The following GRAMD2B variants were observed in gnomAD, a reference collection of about 807,000 sequenced individuals.
The protein encoded by GRAMD2B is GRAM domain containing 2B.
A neutral mutation model predicts 59.2 loss-of-function variants in GRAMD2B; 41 were observed. That is an observed-to-expected ratio of 0.69 (90% CI 0.54 to 0.90). The LOEUF is 0.90. Among genes scored for constraint, GRAMD2B ranks in the 40% least tolerant of loss-of-function variants. The pLI is 0.00. For synonymous variants in GRAMD2B, 161 were observed against 182.7 expected, an observed-to-expected ratio of 0.88 and a Z score of 0.96; for missense variants, 424 against 500.5, an observed-to-expected ratio of 0.85 and a Z score of 1.46.
Position 126,424,446 on chromosome 5 carries a change from G to A in GRAMD2B, c.83+757G>A, listed in dbSNP as rs187476142. On this transcript the variant is annotated intron_variant, in intron 1 of 13. Transcript: ENST00000285689. ...TGGTATCAGGATATGAGTAATTTAGGAAGGAGGGATATGTATTATCATAAG... is the reference window on the plus strand; with the variant it reads ...TGGTATCAGGATATGAGTAATTTAGAAAGGAGGGATATGTATTATCATAAG... Among the ~76,000 whole-genome samples the A allele has an allele frequency of 5.1e-4, 78 of 152,270 alleles. 1 individual carries two copies. The highest frequency in any genetic ancestry group is 6.8e-3 in the Middle Eastern group (2 of 294).
At chr5:126,394,466 T>A (rs896640722) in intron 1 of GRAMD2B, among the ~76,000 whole-genome samples, 1 of 152,244 alleles carries the variant, frequency 6.6e-6, no homozygotes, top group South Asian at 2.1e-4. Context: ...GTCCAATCAT[T>A]GTAAAAAAGA....
At chr5:126,370,058 G>A (rs747652033), upstream of GRAMD2B, among the ~76,000 whole-genome samples, 1 of 152,112 alleles carries the variant, frequency 6.6e-6, no homozygotes, top group Non-Finnish European at 1.5e-5. Flanking sequence ...AGCTGGGGGC[G>A]GTGCACCTTC....
At position 126,473,291 on chromosome 5, in the gene GRAMD2B, A is replaced by G; in HGVS notation, c.409A>G (p.Ile137Val). The G allele has an allele frequency of 6.6e-7, 1 of 1,504,158 alleles. No individual in the cohort carries two copies. The highest frequency in any genetic ancestry group is 9.0e-7 in the Non-Finnish European group (1 of 1,110,386). The allele number at this position is 1,504,158 out of a possible 1,614,324, so 93.2% of individuals were successfully genotyped here. A position where few individuals can be genotyped will look rare whatever the true frequency, so the allele number is the denominator to read the frequency against. Residue 137 changes from isoleucine to valine, a missense_variant, in exon 5 of 14, where the codon ATA (isoleucine) becomes GTA (valine). Ile to Val is a conservative substitution (Grantham distance 29, BLOSUM62 3). Coordinates refer to ENST00000285689, the MANE Select transcript of GRAMD2B (RefSeq NM_023927.4). ...QSFTCALQKEILYQGKLFVSE... is the reference protein window; with the variant it reads ...QSFTCALQKEVLYQGKLFVSE... ...CTTTACCTGTGCTCTACAGAAAGAA[A>G]TACTATACCAAGGAAAGCTCTTTGT...
intron 1 of GRAMD2B, among the ~76,000 whole-genome samples, chr5:126,374,135 C>T (rs1304820393): frequency 6.6e-6 from 1 of 152,178 alleles, no homozygotes; most frequent in African/African-American, 2.4e-5. Context: ...AGATTATGAA[C>T]ATGATTAACT....
At chr5:126,403,102 A>C (rs1757973582) in intron 1 of GRAMD2B, among the ~76,000 whole-genome samples, 1 of 152,016 alleles carries the variant, frequency 6.6e-6, no homozygotes. Flanking sequence ...CCTCCTTGGC[A>C]GCCAGTTCTA....
upstream of GRAMD2B, among the ~76,000 whole-genome samples, chr5:126,368,106 T>G (rs1754552726): frequency 6.8e-6 from 1 of 147,654 alleles, no homozygotes; most frequent in Non-Finnish European, 1.5e-5. Flanking sequence ...AAAGAGTCTC[T>G]GTGATTTTTA....
chr5:126,490,522 T>C (rs540996264), intron 13 of GRAMD2B, among the ~76,000 whole-genome samples: 29 of 152,322 alleles, frequency 1.9e-4, no homozygotes, highest in Non-Finnish European at 3.4e-4. Context: ...AAGCAGAAAC[T>C]GATTCAGTAA....
chr5:126,464,623 T>C (rs978243508), intron 1 of GRAMD2B, among the ~76,000 whole-genome samples: 5 of 152,260 alleles, frequency 3.3e-5, no homozygotes, highest in South Asian at 2.1e-4. Context: ...TCAGACCTAG[T>C]TTTTCCAACG....
At chr5:126,440,093 T>C (rs1302006460) in intron 1 of GRAMD2B, among the ~76,000 whole-genome samples, 1 of 152,178 alleles carries the variant, frequency 6.6e-6, no homozygotes, top group Non-Finnish European at 1.5e-5. Flanking sequence ...TACAGTCAAT[T>C]ACCTTTCTTA....
chr5:126,397,497 TA>T (rs1757459916), intron 1 of GRAMD2B, among the ~76,000 whole-genome samples: 1 of 152,164 alleles, frequency 6.6e-6, no homozygotes, highest in South Asian at 2.1e-4. Context: ...GTGCTGGGAT[TA>T]TAGGTGTGAG....
intron 1 of GRAMD2B, among the ~76,000 whole-genome samples, chr5:126,435,678 G>A (rs923766368): frequency 1.7e-4 from 26 of 152,218 alleles, no homozygotes; most frequent in African/African-American, 6.0e-4. Context: ...AACCTGAAGA[G>A]TCTTTGAAGA....
intron 1 of GRAMD2B, among the ~76,000 whole-genome samples, chr5:126,401,316 A>C (rs1757816283): frequency 6.6e-6 from 1 of 151,948 alleles, no homozygotes; most frequent in Non-Finnish European, 1.5e-5. Context: ...TCTTGCTGTT[A>C]AACTTCTGAT....
chr5:126,488,057 T>C (rs1773276428), intron 12 of GRAMD2B, among the ~76,000 whole-genome samples: 1 of 152,214 alleles, frequency 6.6e-6, no homozygotes, highest in East Asian at 1.9e-4. Flanking sequence ...GTTATACCAT[T>C]CTAGGACCTT....
chr5:126,375,506 A>C (rs1580692639), intron 1 of GRAMD2B, among the ~76,000 whole-genome samples: 2 of 151,858 alleles, frequency 1.3e-5, no homozygotes, highest in Admixed American at 1.3e-4. Flanking sequence ...AGTGGCTGGG[A>C]CTACAGGCGC....
chr5:126,485,632 T>TA, intron 10 of GRAMD2B, 54 bp from the exon 11 acceptor site: 2 of 1,113,592 alleles, frequency 1.8e-6, no homozygotes, highest in Non-Finnish European at 2.7e-6. Flanking sequence ...TATTGCTGGA[T>TA]AAAAGAAGTG....
intron 1 of GRAMD2B, among the ~76,000 whole-genome samples, chr5:126,409,935 T>TTAAATAGGGAATCCTTTCCAC (rs1554075358): frequency 7.1e-6 from 1 of 141,456 alleles, no homozygotes; most frequent in Non-Finnish European, 1.6e-5. Flanking sequence ...GCACCATTTA[T>TTAAATAGGGAATCCTTTCCAC]TAAATAGGGA....
chr5:126,381,599 T>C (rs965840433), intron 1 of GRAMD2B, among the ~76,000 whole-genome samples: 6 of 152,224 alleles, frequency 3.9e-5, no homozygotes, highest in African/African-American at 1.2e-4. Context: ...TAGGTGAGTC[T>C]CTTAAAGACA....
chr5:126,384,815 A>G (rs1755976489), intron 1 of GRAMD2B, among the ~76,000 whole-genome samples: 1 of 152,234 alleles, frequency 6.6e-6, no homozygotes, highest in Non-Finnish European at 1.5e-5. Context: ...TGGGCCAGGT[A>G]TCACTGCCTT....
At chr5:126,440,034 A>C (rs1763042240) in intron 1 of GRAMD2B, among the ~76,000 whole-genome samples, 1 of 152,162 alleles carries the variant, frequency 6.6e-6, no homozygotes. Flanking sequence ...TTTTTTAATA[A>C]ATTACCCAGT....
Sources: gnomAD v4.1 joint callset for allele counts (sites outside exome capture counted in the v4.1 genomes callset) on GRCh38, gnomAD v4.1.1 for gene constraint, MANE v1.5 for transcripts, NCBI Gene and HGNC (gene_info 2026-07-23, HGNC 2026-07-21) for gene names.